Variants in LIN7A observed in about 807,000 individuals in gnomAD.
LIN7A encodes the protein lin-7 cell polarity scaffold A, also known as protein lin-7 homolog A.
A neutral mutation model predicts 29.8 loss-of-function variants in LIN7A; 25 were observed. That is an observed-to-expected ratio of 0.84 (90% CI 0.61 to 1.17). The LOEUF (loss-of-function observed/expected upper bound fraction) is 1.17, where lower values mean the gene tolerates loss of function less well. LIN7A is among the 50% of genes most tolerant of loss of function. The pLI, the probability that LIN7A is intolerant of heterozygous loss-of-function variation, is 0.00. For synonymous variants in LIN7A, 118 were observed against 107.5 expected, an observed-to-expected ratio of 1.10 and a Z score of -0.60; for missense variants, 239 against 287.0, an observed-to-expected ratio of 0.83 and a Z score of 1.21.
At chr12:80,902,517 A>T (rs1275565097) in intron 1 of LIN7A, among the ~76,000 whole-genome samples, 1 of 151,956 alleles carries the variant, frequency 6.6e-6, no homozygotes, top group East Asian at 1.9e-4. Context: ...TCCATTTATT[A>T]GTGCCATCTC....
chr12:80,930,411 A>G (rs1465764303), intron 1 of LIN7A, among the ~76,000 whole-genome samples: 1 of 152,204 alleles, frequency 6.6e-6, no homozygotes, highest in Non-Finnish European at 1.5e-5. Context: ...AAATTAACAC[A>G]ATTTTTAAGG....
intron 1 of LIN7A, among the ~76,000 whole-genome samples, chr12:80,928,638 A>G (rs1877731242): frequency 6.6e-6 from 1 of 152,104 alleles, no homozygotes; most frequent in African/African-American, 2.4e-5. Flanking sequence ...CCCATTCTGT[A>G]GGTTGCCTGT....
intron 4 of LIN7A, among the ~76,000 whole-genome samples, chr12:80,814,808 A>G (rs1871455920): frequency 6.6e-6 from 1 of 152,082 alleles, no homozygotes; most frequent in Non-Finnish European, 1.5e-5. Flanking sequence ...CTTTATCTTC[A>G]GTTTAGACAA....
intron 2 of LIN7A, among the ~76,000 whole-genome samples, chr12:80,864,238 C>A (rs1484003204): frequency 6.6e-6 from 1 of 151,910 alleles, no homozygotes; most frequent in Non-Finnish European, 1.5e-5. Flanking sequence ...AGACTCAATA[C>A]GCAAGGCTTG....
At chr12:80,890,398 A>T (rs1875560032) in intron 1 of LIN7A, among the ~76,000 whole-genome samples, 2 of 152,098 alleles carry the variant, frequency 1.3e-5, no homozygotes, top group African/African-American at 4.8e-5. Flanking sequence ...AAATTTATCC[A>T]TTCACTCATC....
chr12:80,894,899 C>A (rs1327355654), intron 1 of LIN7A, among the ~76,000 whole-genome samples: 1 of 152,118 alleles, frequency 6.6e-6, no homozygotes, highest in Non-Finnish European at 1.5e-5. Flanking sequence ...ACAACTAAGG[C>A]TCAGAAAGAT....
At chr12:80,805,906 G>A (rs769781082) in intron 5 of LIN7A, among the ~76,000 whole-genome samples, 1 of 134,244 alleles carries the variant, frequency 7.4e-6, no homozygotes, top group Non-Finnish European at 1.7e-5. Flanking sequence ...TTCTCTTGCT[G>A]AGACCATGTA....
chr12:80,906,619 G>C (rs1333970629), intron 1 of LIN7A, among the ~76,000 whole-genome samples: 1 of 151,968 alleles, frequency 6.6e-6, no homozygotes, highest in Non-Finnish European at 1.5e-5. Context: ...ATAGTGATTA[G>C]AAAGGAGCCA....
At chr12:80,835,792 G>A (rs1872568344) in intron 4 of LIN7A, among the ~76,000 whole-genome samples, 1 of 152,038 alleles carries the variant, frequency 6.6e-6, no homozygotes. Flanking sequence ...CTTAACTCCT[G>A]AGAAACCATA....
At chr12:80,860,791 T>C (rs1211193405) in intron 2 of LIN7A, among the ~76,000 whole-genome samples, 1 of 152,240 alleles carries the variant, frequency 6.6e-6, no homozygotes, top group Admixed American at 6.5e-5. Flanking sequence ...CATGACACTC[T>C]TTTCTGCCAC....
At chr12:80,874,445 A>T (rs746958377) in intron 2 of LIN7A, among the ~76,000 whole-genome samples, 8 of 152,252 alleles carry the variant, frequency 5.3e-5, no homozygotes, top group Non-Finnish European at 1.2e-4. Context: ...AATGCCAATT[A>T]TACAATGATT....
chr12:80,845,185 T>C (rs932215853), intron 4 of LIN7A, among the ~76,000 whole-genome samples: 3 of 145,712 alleles, frequency 2.1e-5, no homozygotes, highest in Non-Finnish European at 3.0e-5. Context: ...TGCAGTGAGC[T>C]GAGATGGCAC....
chr12:80,836,437 G>C lies in LIN7A; in HGVS notation c.483+9293C>G, dbSNP rs1452633125. Among the ~76,000 whole-genome samples the C allele has an allele frequency of 4.6e-5, 7 of 152,160 alleles. No individual in the cohort carries two copies. In the South Asian group the frequency reaches 6.2e-4, roughly 13 times the overall value. On this transcript the variant is annotated intron_variant, in intron 4 of 5. Transcript: ENST00000552864. ...TTTGGAAGGCCAAGGCTGGTGGATT[G>C]CTCGAGCTCAGGAGTTTGAGACCAG...
intron 5 of LIN7A, among the ~76,000 whole-genome samples, chr12:80,803,671 A>G (rs553566965): frequency 6.6e-6 from 1 of 152,212 alleles, no homozygotes; most frequent in South Asian, 2.1e-4. Context: ...GAAAAATGAC[A>G]TTGGAATTTT....
At chr12:80,884,177 A>T (rs898662180) in intron 2 of LIN7A, among the ~76,000 whole-genome samples, 5 of 152,190 alleles carry the variant, frequency 3.3e-5, no homozygotes, top group Non-Finnish European at 7.3e-5. Context: ...ATTTCATATA[A>T]GTTTTCAAAG....
Position 80,792,702 on chromosome 12 carries a change from T to G in LIN7A, c.*5025A>C, listed in dbSNP as rs1187968852. On this transcript the variant is annotated 3_prime_UTR_variant, in exon 6 of 6. Transcript: ENST00000552864. ...CTTTCCCGTAAATGTAAAATATCCT[T>G]AGTTCATCTCCAAACTGTGTATTTA... is the stretch of plus-strand genomic sequence containing the variant. 1 of 152,212 alleles carries G rather than the reference T, an allele frequency of 6.6e-6. No individual in the cohort carries two copies. Among genetic ancestry groups the G allele is most frequent in the Non-Finnish European group, 1.5e-5 (1 of 68,030 alleles). 9.4% of individuals were successfully genotyped at this position (152,212 alleles called of 1,614,324 possible).
At chr12:80,927,115 T>C (rs1017592095) in intron 1 of LIN7A, among the ~76,000 whole-genome samples, 4 of 151,126 alleles carry the variant, frequency 2.6e-5, no homozygotes, top group Non-Finnish European at 5.9e-5. Flanking sequence ...TTTAATCTGT[T>C]AGTGTAAAGA....
intron 4 of LIN7A, among the ~76,000 whole-genome samples, chr12:80,825,757 G>A (rs1872049482): frequency 6.6e-6 from 1 of 151,558 alleles, no homozygotes; most frequent in Non-Finnish European, 1.5e-5. Context: ...TTTTCTGTAA[G>A]TATCTTACTC....
intron 4 of LIN7A, among the ~76,000 whole-genome samples, chr12:80,818,604 G>A (rs879269113): frequency 2.0e-5 from 3 of 152,158 alleles, no homozygotes; most frequent in African/African-American, 2.4e-5. Flanking sequence ...TGATAGAGAT[G>A]TTTAGGCCAG....
Sources: gnomAD v4.1 joint callset for allele counts (sites outside exome capture counted in the v4.1 genomes callset) on GRCh38, gnomAD v4.1.1 for gene constraint, MANE v1.5 for transcripts, NCBI Gene and HGNC (gene_info 2026-07-23, HGNC 2026-07-21) for gene names.